TSPAN5: variants seen among roughly 807,000 people sequenced by gnomAD.
TSPAN5 encodes the protein tetraspanin-5.
Under a neutral mutation model 37.1 loss-of-function variants are expected in TSPAN5, and 10 were observed. That is an observed-to-expected ratio of 0.27 (90% confidence interval 0.17 to 0.46). The LOEUF is 0.46. TSPAN5 is among the 20% of genes least tolerant of loss of function. The probability of loss-of-function intolerance (pLI) is 1.00; values close to 1 mark genes in which losing one functional copy is unlikely to be tolerated. For missense variants in TSPAN5, 195 were observed against 326.6 expected, an observed-to-expected ratio of 0.60 and a Z score of 3.11; for synonymous variants, 110 against 118.9, an observed-to-expected ratio of 0.93 and a Z score of 0.48.
At chr4:98,567,813 C>CG (rs1755039656) in intron 1 of TSPAN5, among the ~76,000 whole-genome samples, 2 of 151,682 alleles carry the variant, frequency 1.3e-5, no homozygotes, top group South Asian at 2.1e-4. Flanking sequence ...GGTGGCGGGG[C>CG]GGGGGGCCTG....
intron 2 of TSPAN5, among the ~76,000 whole-genome samples, chr4:98,493,490 G>C (rs541234798): frequency 6.6e-6 from 1 of 152,292 alleles, no homozygotes; most frequent in African/African-American, 2.4e-5. Flanking sequence ...GTTGACATAT[G>C]AAAGTGAGAT....
At chr4:98,615,945 G>A (rs1483869593) in intron 1 of TSPAN5, among the ~76,000 whole-genome samples, 1 of 152,164 alleles carries the variant, frequency 6.6e-6, no homozygotes, top group African/African-American at 2.4e-5. Context: ...AGCAAGAGAA[G>A]AAGCAGAACA....
At chr4:98,576,916 C>T (rs1287122172) in intron 1 of TSPAN5, among the ~76,000 whole-genome samples, 1 of 152,122 alleles carries the variant, frequency 6.6e-6, no homozygotes, top group African/African-American at 2.4e-5. Context: ...CCCGCCACCA[C>T]ATCTGGCTAA....
chr4:98,474,095 A>G (rs528367615), intron 7 of TSPAN5, among the ~76,000 whole-genome samples: 4 of 152,346 alleles, frequency 2.6e-5, no homozygotes, highest in African/African-American at 4.8e-5. Flanking sequence ...TTTTGATGTC[A>G]TATCTAAGAA....
chr4:98,654,037 C>T (rs1011561157), intron 1 of TSPAN5, among the ~76,000 whole-genome samples: 6 of 152,180 alleles, frequency 3.9e-5, no homozygotes, highest in African/African-American at 1.2e-4. Flanking sequence ...CAGGAAGAAG[C>T]CACGTGTAGG....
At chr4:98,486,676 G>T (rs1752966210) in intron 3 of TSPAN5, 62 bp downstream of exon 3, 3 of 1,583,604 alleles carry the variant, frequency 1.9e-6, no homozygotes. Context: ...TAGATAGGGT[G>T]ACCTCCTGAT....
At chr4:98,638,510 C>T (rs6837860) in intron 1 of TSPAN5, among the ~76,000 whole-genome samples, 70,526 of 152,050 alleles carry the variant, frequency 0.46, 16,593 homozygotes, top group South Asian at 0.54. Flanking sequence ...ATGTAATACA[C>T]CGGCATTTGG....
At chr4:98,644,394 G>A (rs7685150) in intron 1 of TSPAN5, among the ~76,000 whole-genome samples, 14,190 of 152,000 alleles carry the variant, frequency 0.093, 740 homozygotes, top group Non-Finnish European at 0.11. Context: ...AGCACCTGAC[G>A]AAGAGTTTCC....
intron 5 of TSPAN5, 124 bp downstream of exon 5, chr4:98,478,561 A>C: frequency 5.2e-6 from 6 of 1,162,092 alleles, no homozygotes; most frequent in Non-Finnish European, 7.6e-6. Context: ...AACCCCCTAC[A>C]GGAGCTACAA....
chr4:98,658,611 T>A lies in TSPAN5; in HGVS notation c.-385A>T, dbSNP rs1390435956. 1 of 151,686 alleles carries A rather than the reference T, an allele frequency of 6.6e-6. No homozygotes were observed. Among genetic ancestry groups the A allele is most frequent in the Non-Finnish European group, 1.5e-5 (1 of 68,286 alleles). 9.4% of individuals were successfully genotyped at this position (151,686 alleles called of 1,614,324 possible). On this transcript the variant is annotated 5_prime_UTR_variant, in exon 1 of 8. Transcript: ENST00000305798. The stretch of plus-strand genomic sequence containing the variant: ...GATGCTGGTGGAGACGCCGCTCGCT[T>A]GCTCGCCCGCCCGTTCGCGCGCGCC...
intron 1 of TSPAN5, among the ~76,000 whole-genome samples, chr4:98,542,578 G>A (rs1754381791): frequency 1.3e-5 from 2 of 152,084 alleles, no homozygotes; most frequent in African/African-American, 4.8e-5. Flanking sequence ...AATTCGCCAG[G>A]CACAGTGGTA....
chr4:98,487,100 G>A (rs1011964266), intron 2 of TSPAN5, among the ~76,000 whole-genome samples: 4 of 130,968 alleles, frequency 3.1e-5, no homozygotes, highest in African/African-American at 8.4e-5. Context: ...GAGAGAGAAA[G>A]AGAAAAGAGA....
At chr4:98,638,113 A>G (rs939072774) in intron 1 of TSPAN5, among the ~76,000 whole-genome samples, 7 of 152,076 alleles carry the variant, frequency 4.6e-5, no homozygotes. Flanking sequence ...TGCCTGGGTT[A>G]TAATTCGTGC....
chr4:98,597,614 C>T (rs1215022090), intron 1 of TSPAN5, among the ~76,000 whole-genome samples: 4 of 58,438 alleles, frequency 6.8e-5, no homozygotes, highest in East Asian at 4.3e-4. Flanking sequence ...TATGGGTTTT[C>T]GGTGTAGATG....
At chr4:98,490,627 T>C (rs1753064528) in intron 2 of TSPAN5, among the ~76,000 whole-genome samples, 1 of 152,222 alleles carries the variant, frequency 6.6e-6, no homozygotes. Context: ...AACTTTATTT[T>C]TAATGGATTC....
chr4:98,579,875 A>G (rs1456971844), intron 1 of TSPAN5, among the ~76,000 whole-genome samples: 2 of 152,232 alleles, frequency 1.3e-5, no homozygotes, highest in Non-Finnish European at 2.9e-5. Flanking sequence ...AATTTATGTG[A>G]AATTTTTCAC....
intron 1 of TSPAN5, among the ~76,000 whole-genome samples, chr4:98,617,007 T>A (rs71612653): frequency 0.13 from 19,906 of 151,974 alleles, 1,841 homozygotes; most frequent in African/African-American, 0.25. Context: ...TTATTTTTTG[T>A]AGAGACTGGG....
rs1478487196 is a variant in TSPAN5, at chr4:98,507,690, TG to T, written c.119del (p.Ala40AspfsTer32). The T allele has an allele frequency of 6.2e-7, 1 of 1,611,204 alleles. No individual in the cohort carries two copies. Among genetic ancestry groups the T allele is most frequent in the Non-Finnish European group, 8.5e-7 (1 of 1,179,066 alleles). On this transcript the variant is annotated frameshift_variant, in exon 2 of 8. Coordinates refer to ENST00000305798, the MANE Select transcript of TSPAN5 (RefSeq NM_005723.4). LOFTEE classifies it high-confidence loss of function. ...ATATTCAACTTACTTTTTCATTCCA[TG>T]CCCACAGTCCAATTCCAAGAAATGT... ...GITFLGIGLW[A>X]WNEKGVLSNI...
chr4:98,476,687 A>G (rs1752708688), intron 5 of TSPAN5, among the ~76,000 whole-genome samples: 1 of 152,186 alleles, frequency 6.6e-6, no homozygotes, highest in African/African-American at 2.4e-5. Flanking sequence ...AGGAAAACTA[A>G]GGCTTGGGGA....
Sources: allele counts gnomAD v4.1 joint callset (sites outside exome capture counted in the v4.1 genomes callset), GRCh38; gene constraint gnomAD v4.1.1; transcripts MANE v1.5; gene names NCBI Gene and HGNC (gene_info 2026-07-23, HGNC 2026-07-21).